MCU: variants seen among roughly 807,000 people sequenced by gnomAD.
MCU encodes mitochondrial calcium uniporter, also known as calcium uniporter protein, mitochondrial.
Under a neutral mutation model 45.2 loss-of-function variants are expected in MCU, and 12 were observed. The ratio of observed to expected loss-of-function variants is 0.27; its 90% confidence interval spans 0.17 to 0.43. MCU has a LOEUF of 0.43. MCU is among the 20% of genes least tolerant of loss of function. The pLI, the probability that MCU is intolerant of heterozygous loss-of-function variation, is 1.00. For missense variants in MCU, 324 were observed against 436.7 expected, an observed-to-expected ratio of 0.74 and a Z score of 2.30; for synonymous variants, 160 against 165.1, an observed-to-expected ratio of 0.97 and a Z score of 0.24.
chr10:72,809,550 G>A, intron 1 of MCU, among the ~76,000 whole-genome samples: 1 of 152,174 alleles, frequency 6.6e-6, no homozygotes, highest in East Asian at 1.9e-4. Context: ...AAACATTGGA[G>A]TGGAGCAGGT....
intron 1 of MCU, among the ~76,000 whole-genome samples, chr10:72,824,285 C>T (rs939863407): frequency 6.6e-6 from 1 of 151,420 alleles, no homozygotes; most frequent in East Asian, 1.9e-4. Context: ...CAACCTCCAC[C>T]TCCCAGGTTC....
At chr10:72,758,201 A>G (rs1843605067) in intron 1 of MCU, among the ~76,000 whole-genome samples, 2 of 151,886 alleles carry the variant, frequency 1.3e-5, no homozygotes, top group South Asian at 4.2e-4. Context: ...ATTTTTCTCA[A>G]CTCCCTCTTC....
At chr10:72,703,444 A>C (rs764813149) in intron 1 of MCU, among the ~76,000 whole-genome samples, 4 of 152,224 alleles carry the variant, frequency 2.6e-5, no homozygotes, top group Non-Finnish European at 4.4e-5. Context: ...CCTGTCTCTT[A>C]ACCACTGTTT....
intron 1 of MCU, among the ~76,000 whole-genome samples, chr10:72,738,177 A>T (rs1285789599): frequency 1.3e-5 from 2 of 152,212 alleles, no homozygotes; most frequent in Non-Finnish European, 2.9e-5. Context: ...TATAGTAATT[A>T]AGAAGAATTT....
intron 1 of MCU, among the ~76,000 whole-genome samples, chr10:72,795,748 C>T (rs1844233110): frequency 6.6e-6 from 1 of 152,050 alleles, no homozygotes; most frequent in Non-Finnish European, 1.5e-5. Flanking sequence ...GCCTGTAATC[C>T]CAGCACTTTG....
intron 6 of MCU, among the ~76,000 whole-genome samples, chr10:72,882,918 T>G (rs1464154358): frequency 1.3e-5 from 2 of 152,186 alleles, no homozygotes; most frequent in Non-Finnish European, 2.9e-5. Context: ...GCTTTAAAAT[T>G]TCTCTCTTTT....
chr10:72,816,079 G>A (rs913168339), intron 1 of MCU, among the ~76,000 whole-genome samples: 2 of 152,110 alleles, frequency 1.3e-5, no homozygotes, highest in African/African-American at 4.8e-5. Context: ...GGTGAGGCAC[G>A]AGAATCACTT....
chr10:72,787,185 G>A (rs1844084892), intron 1 of MCU, among the ~76,000 whole-genome samples: 2 of 152,166 alleles, frequency 1.3e-5, no homozygotes, highest in African/African-American at 4.8e-5. Flanking sequence ...TCTCCACGAA[G>A]CCTTCTCTGG....
At chr10:72,696,645 G>T (rs1842691227) in intron 1 of MCU, among the ~76,000 whole-genome samples, 1 of 152,142 alleles carries the variant, frequency 6.6e-6, no homozygotes, top group Non-Finnish European at 1.5e-5. Flanking sequence ...TAACTGGGGA[G>T]ATAAAGCAAT....
chr10:72,762,714 A>G (rs1843672190), intron 1 of MCU, among the ~76,000 whole-genome samples: 1 of 152,212 alleles, frequency 6.6e-6, no homozygotes, highest in African/African-American at 2.4e-5. Flanking sequence ...TGCAGTTTTA[A>G]GTAAGATAGA....
At chr10:72,706,965 G>T (rs565880313) in intron 1 of MCU, among the ~76,000 whole-genome samples, 306 of 151,734 alleles carry the variant, frequency 2.0e-3, no homozygotes, top group African/African-American at 7.1e-3. Flanking sequence ...GAGTAGCTGG[G>T]ACTACAGGCA....
At chr10:72,851,482 A>G (rs6415912) in intron 2 of MCU, among the ~76,000 whole-genome samples, 107,592 of 151,996 alleles carry the variant, frequency 0.71, 39,410 homozygotes, top group African/African-American at 0.85. Context: ...CAAATTGGAG[A>G]CCAGGATTCT....
chr10:72,752,088 C>G lies in MCU; in HGVS notation c.150+59787C>G, dbSNP rs544747027. 3.2e-4 allele frequency among the ~76,000 whole-genome samples: 48 copies of G among 151,978 alleles called. 1 individual carries two copies. Among genetic ancestry groups the G allele is most frequent in the Non-Finnish European group, 6.2e-4 (42 of 67,950 alleles). ...TCTCCTGACTTCGTGATCCACCCCC[C>G]TAGGCCTCCCAAAGTGCTGGGATTA... On this transcript the variant is annotated intron_variant, in intron 1 of 7. Transcript: ENST00000373053.
intron 1 of MCU, among the ~76,000 whole-genome samples, chr10:72,831,169 A>G (rs1844872652): frequency 6.6e-6 from 1 of 152,238 alleles, no homozygotes; most frequent in Admixed American, 6.5e-5. Flanking sequence ...ACAGTGCAGT[A>G]ATGAAAGTCG....
rs943527636 is a variant in MCU, at chr10:72,729,160, A to C, written c.150+36859A>C. 1.2e-4 allele frequency among the ~76,000 whole-genome samples: 18 copies of C among 152,270 alleles called. No homozygotes were observed. In the East Asian group the frequency reaches 3.5e-3, roughly 29 times the overall value. On this transcript the variant is annotated intron_variant, in intron 1 of 7. Coordinates refer to ENST00000373053, the MANE Select transcript of MCU (RefSeq NM_138357.3). Reference sequence around the variant, plus strand: ...TGTTGAAGAATAGCATTATATAGTAAAGTGATAGAAAACTGTATTTTAGGC... The same window carrying C: ...TGTTGAAGAATAGCATTATATAGTACAGTGATAGAAAACTGTATTTTAGGC...
intron 4 of MCU, among the ~76,000 whole-genome samples, chr10:72,861,286 A>G (rs1042829123): frequency 1.3e-5 from 2 of 151,932 alleles, no homozygotes; most frequent in South Asian, 2.1e-4. Context: ...CTGTCCTCCC[A>G]GAGTGTTGCG....
At position 72,865,990 on chromosome 10, in the gene MCU, A is replaced by G. The variant is rs188157933; in HGVS notation, c.497-2713A>G. Among the ~76,000 whole-genome samples the G allele has an allele frequency of 4.0e-3, 594 of 150,306 alleles. 3 individuals carry two copies. Among genetic ancestry groups the G allele is most frequent in the South Asian group, 0.018 (85 of 4,784 alleles). ...GACGGGGTTTCACCATGTTAGCCAG[A>G]ATGGTCTTGATCTCCTGACCTCGTG... On this transcript the variant is annotated intron_variant, in intron 4 of 7. Transcript: ENST00000373053.
At chr10:72,804,882 C>T (rs1682992586) in intron 1 of MCU, among the ~76,000 whole-genome samples, 1 of 152,208 alleles carries the variant, frequency 6.6e-6, no homozygotes, top group Admixed American at 6.5e-5. Context: ...AGCGATCTTG[C>T]CACCTCAGCC....
At chr10:72,848,371 T>C (rs374548422) in intron 2 of MCU, among the ~76,000 whole-genome samples, 2 of 152,254 alleles carry the variant, frequency 1.3e-5, no homozygotes, top group East Asian at 1.9e-4. Context: ...TCTTGCTGCA[T>C]TGTAACATGT....
Sources: gnomAD v4.1 joint callset for allele counts (sites outside exome capture counted in the v4.1 genomes callset) on GRCh38, gnomAD v4.1.1 for gene constraint, MANE v1.5 for transcripts, NCBI Gene and HGNC (gene_info 2026-07-23, HGNC 2026-07-21) for gene names.